Variants in PIK3CB observed in about 807,000 individuals in gnomAD.
The protein encoded by PIK3CB is phosphatidylinositol-4,5-bisphosphate 3-kinase catalytic subunit beta.
A neutral mutation model predicts 136.8 loss-of-function variants in PIK3CB; 39 were observed. That is an observed-to-expected ratio of 0.29 (90% confidence interval 0.22 to 0.37). The LOEUF is 0.37. Among genes scored for constraint, PIK3CB ranks in the 10% least tolerant of loss-of-function variants. The pLI, the probability that PIK3CB is intolerant of heterozygous loss-of-function variation, is 1.00. For missense variants in PIK3CB, 868 were observed against 1,275.4 expected, an observed-to-expected ratio of 0.68 and a Z score of 4.87; for synonymous variants, 428 against 436.6, an observed-to-expected ratio of 0.98 and a Z score of 0.25.
Position 138,655,455 on chromosome 3 carries a change from G to A in PIK3CB, c.3147C>T (p.Leu1049=), listed in dbSNP as rs2108381742. 2 of 1,613,544 alleles carry A rather than the reference G, an allele frequency of 1.2e-6. No homozygotes were observed. The highest frequency in any genetic ancestry group is 2.2e-5 in the East Asian group (1 of 44,882). Residue 1049 remains leucine, a synonymous_variant, in exon 24 of 24, where the codon CTC becomes CTT. Coordinates refer to ENST00000674063, the MANE Select transcript of PIK3CB (RefSeq NM_006219.3). ...TCACTTTAGTAGTCCAGCTTTCCCTGAGCGCCTCATCAAATTTTTGCTTAA... is the reference window on the plus strand; with the variant it reads ...TCACTTTAGTAGTCCAGCTTTCCCTAAGCGCCTCATCAAATTTTTGCTTAA... ...KQFKQKFDEA[L]RESWTTKVNW... is the part of the protein sequence containing the mutation.
At chr3:138,793,462 C>T (rs893437400) in intron 2 of PIK3CB, among the ~76,000 whole-genome samples, 4 of 151,926 alleles carry the variant, frequency 2.6e-5, no homozygotes, top group Non-Finnish European at 5.9e-5. Context: ...AAAAATCAGT[C>T]GAGCATGACG....
intron 8 of PIK3CB, among the ~76,000 whole-genome samples, chr3:138,725,516 A>G (rs1226251892): frequency 6.6e-6 from 1 of 152,174 alleles, no homozygotes; most frequent in African/African-American, 2.4e-5. Flanking sequence ...CTGGGGCTCT[A>G]TCGAATTTTT....
chr3:138,817,136 A>G (rs1169247322), intron 1 of PIK3CB, among the ~76,000 whole-genome samples: 1 of 152,110 alleles, frequency 6.6e-6, no homozygotes, highest in African/African-American at 2.4e-5. Flanking sequence ...CTGGAGATCG[A>G]GACCATCCTG....
rs201189623 is a variant in PIK3CB at position 138,712,537 on chromosome 3, T to C, written c.1303-233A>G. 5.3e-5 allele frequency among the ~76,000 whole-genome samples: 8 copies of C among 151,570 alleles called. No individual in the cohort carries two copies. In the East Asian group the frequency reaches 1.5e-3, roughly 29 times the overall value. ...CATAATAAATAGTATATGAATAAAA[T>C]AGAATATGGACTAAAAAGCCTTGTG... is the stretch of plus-strand genomic sequence containing the variant. On this transcript the variant is annotated intron_variant, in intron 9 of 23. Transcript: ENST00000674063.
chr3:138,754,418 G>A (rs115508746), intron 4 of PIK3CB, among the ~76,000 whole-genome samples: 112 of 151,926 alleles, frequency 7.4e-4, no homozygotes, highest in African/African-American at 2.6e-3. Flanking sequence ...CTCTAGCCTG[G>A]GCAACAGGGC....
chr3:138,767,637 G>A (rs1391838707), intron 2 of PIK3CB, among the ~76,000 whole-genome samples: 2 of 152,290 alleles, frequency 1.3e-5, no homozygotes, highest in South Asian at 2.1e-4. Flanking sequence ...AGCAATGGGT[G>A]TGTGAGCAAG....
chr3:138,775,084 C>T (rs1158505208), intron 2 of PIK3CB, among the ~76,000 whole-genome samples: 2 of 152,204 alleles, frequency 1.3e-5, no homozygotes, highest in African/African-American at 4.8e-5. Flanking sequence ...TTCTCCCTCA[C>T]TATGGACTGT....
At chr3:138,769,329 T>C (rs1267158576) in intron 2 of PIK3CB, among the ~76,000 whole-genome samples, 1 of 152,244 alleles carries the variant, frequency 6.6e-6, no homozygotes, top group African/African-American at 2.4e-5. Flanking sequence ...TATACATTTC[T>C]ATCTGCCAAT....
At chr3:138,714,387 CTT>C in intron 9 of PIK3CB, 79 bp downstream of exon 9, 2 of 912,028 alleles carry the variant, frequency 2.2e-6, no homozygotes, top group South Asian at 3.8e-5. Flanking sequence ...TATAATTTAA[CTT>C]ATATTACTCA....
intron 2 of PIK3CB, among the ~76,000 whole-genome samples, chr3:138,781,000 T>C (rs1559875880): frequency 6.6e-6 from 1 of 152,112 alleles, no homozygotes; most frequent in Non-Finnish European, 1.5e-5. Flanking sequence ...ATTAAGTCTT[T>C]ACATAAAAAT....
chr3:138,825,359 T>G (rs1933737018), intron 1 of PIK3CB: 1 of 552,504 alleles, frequency 1.8e-6, no homozygotes, highest in South Asian at 2.5e-5. Context: ...AGCATGCCCT[T>G]CTGGCTTATA....
At chr3:138,693,991 TA>T (rs1275633094) in intron 14 of PIK3CB, among the ~76,000 whole-genome samples, 2 of 121,396 alleles carry the variant, frequency 1.6e-5, no homozygotes, top group African/African-American at 6.2e-5. Context: ...TATATATATA[TA>T]TTTTAAACCC....
intron 8 of PIK3CB, among the ~76,000 whole-genome samples, chr3:138,722,449 T>G (rs1338731360): frequency 6.6e-6 from 1 of 152,148 alleles, no homozygotes; most frequent in East Asian, 1.9e-4. Flanking sequence ...ATATGGCATT[T>G]AAATATAGTT....
intron 2 of PIK3CB, among the ~76,000 whole-genome samples, chr3:138,785,291 T>A (rs1266750841): frequency 6.6e-6 from 1 of 151,946 alleles, no homozygotes; most frequent in African/African-American, 2.4e-5. Flanking sequence ...GGGGCGCCTC[T>A]GCCAGGCCGC....
chr3:138,709,328 GA>G (rs5852920), intron 10 of PIK3CB, among the ~76,000 whole-genome samples: 81,630 of 151,434 alleles, frequency 0.54, 23,177 homozygotes, highest in East Asian at 0.98. Flanking sequence ...GGCATGGGGG[GA>G]AAAACAGTTC....
rs530305907 is a variant in PIK3CB, at chr3:138,742,710, C to T, written c.469G>A (p.Glu157Lys). ...CCCACAAGTGACAGGATTTTTTCCT[C>T]GCTGAATTTGCGCATTTTTCTTCGA... ...EFRRKMRKFS[E>K]EKILSLVGLS... The change falls in exon 5 of 24, where the codon GAG becomes AAG. Residue 157 changes from glutamate (E) to lysine (K), a missense_variant. Coordinates refer to ENST00000674063, the MANE Select transcript of PIK3CB (RefSeq NM_006219.3). 80 of 1,613,524 alleles carry T rather than the reference C, an allele frequency of 5.0e-5. No homozygotes were observed. The South Asian group carries it at 8.1e-4, about 16-fold the overall frequency.
At chr3:138,822,660 G>A (rs1024277826) in intron 1 of PIK3CB, among the ~76,000 whole-genome samples, 9 of 151,502 alleles carry the variant, frequency 5.9e-5, no homozygotes, top group African/African-American at 1.5e-4. Context: ...TGGCCAACAC[G>A]GTGAAACCCC....
chr3:138,794,623 C>T (rs764419397), intron 2 of PIK3CB, among the ~76,000 whole-genome samples: 4 of 152,018 alleles, frequency 2.6e-5, no homozygotes, highest in Non-Finnish European at 5.9e-5. Context: ...ACATATTTAC[C>T]GAGCATTTAC....
At chr3:138,728,549 G>A (rs933802549) in intron 8 of PIK3CB, among the ~76,000 whole-genome samples, 3 of 152,010 alleles carry the variant, frequency 2.0e-5, no homozygotes, top group East Asian at 1.9e-4. Context: ...AGGCCGAGGC[G>A]GGTGGATCAT....
Sources: allele counts gnomAD v4.1 joint callset (sites outside exome capture counted in the v4.1 genomes callset), GRCh38; gene constraint gnomAD v4.1.1; transcripts MANE v1.5; gene names NCBI Gene and HGNC (gene_info 2026-07-23, HGNC 2026-07-21).